UGT8: variants seen among roughly 807,000 people sequenced by gnomAD.
UGT8 encodes UDP glycosyltransferase 8, also known as 2-hydroxyacylsphingosine 1-beta-galactosyltransferase.
UGT8 carries 12 observed loss-of-function variants against 40.5 expected under a neutral mutation model. The ratio of observed to expected loss-of-function variants is 0.30; its 90% CI spans 0.19 to 0.48. UGT8 has a LOEUF of 0.48. UGT8 is among the 20% of genes least tolerant of loss of function. UGT8 has a pLI of 0.99. For missense variants in UGT8, 513 were observed against 648.7 expected (o/e 0.79, Z 2.27); for synonymous variants, 224 against 240.4 (o/e 0.93, Z 0.63).
intron 1 of UGT8, among the ~76,000 whole-genome samples, chr4:114,611,010 G>A (rs1472377285): frequency 6.6e-6 from 1 of 152,032 alleles, no homozygotes; most frequent in African/African-American, 2.4e-5. Context: ...TCCTACATGT[G>A]AATATGTTTC....
At chr4:114,660,760 G>A (rs1734471811) in intron 2 of UGT8, among the ~76,000 whole-genome samples, 2 of 151,606 alleles carry the variant, frequency 1.3e-5, no homozygotes, top group Non-Finnish European at 2.9e-5. Context: ...GGCGTAGTGG[G>A]GGCACCTGTA....
upstream of UGT8, chr4:114,598,474 G>A (rs1236864056): frequency 6.6e-6 from 1 of 152,248 alleles, no homozygotes; most frequent in Non-Finnish European, 1.5e-5. Context: ...TCGCTCAGCG[G>A]ACGACTGGCC....
intron 1 of UGT8, among the ~76,000 whole-genome samples, chr4:114,607,037 ATACT>A (rs1730775588): frequency 6.6e-6 from 1 of 152,226 alleles, no homozygotes; most frequent in Non-Finnish European, 1.5e-5. Context: ...ATTAGAGATA[ATACT>A]TGGTTTCCCC....
chr4:114,663,650 C>A lies in UGT8; in HGVS notation c.823-345C>A, dbSNP rs148837945. The A allele has an allele frequency of 1.7e-3, 1,675 of 979,260 alleles. 11 individuals carry two copies. In the African/African-American group the frequency reaches 0.022, roughly 13 times the overall value. 60.7% of individuals were successfully genotyped at this position (979,260 alleles called of 1,614,324 possible). On this transcript the variant is annotated intron_variant, in intron 2 of 5. Coordinates refer to ENST00000310836, the MANE Select transcript of UGT8 (RefSeq NM_001128174.3). ...GATTTTTCATATGTTTAATCCACAT[C>A]TTTTGTTTGTGTCTGCATACAAATT...
intron 2 of UGT8, among the ~76,000 whole-genome samples, chr4:114,645,829 A>G (rs1176817975): frequency 6.6e-6 from 1 of 152,166 alleles, no homozygotes; most frequent in Non-Finnish European, 1.5e-5. Context: ...GATTAGTGAA[A>G]TAGGTAGATT....
At chr4:114,642,470 A>T (rs994233504) in intron 2 of UGT8, among the ~76,000 whole-genome samples, 1 of 152,084 alleles carries the variant, frequency 6.6e-6, no homozygotes, top group Admixed American at 6.5e-5. Flanking sequence ...TGTTCTTCCA[A>T]TATGAGACTG....
At chr4:114,619,738 C>A (rs370286960) in intron 1 of UGT8, among the ~76,000 whole-genome samples, 1 of 151,904 alleles carries the variant, frequency 6.6e-6, no homozygotes, top group Non-Finnish European at 1.5e-5. Context: ...AACATAACTT[C>A]AAGATTTGCA....
chr4:114,623,395 C>T lies in UGT8; in HGVS notation c.515C>T (p.Ala172Val). ...TATCCTGCTGAAGTGGGTGCTCCTGCTCCATTAGCATACGTCCCAGAGTTT... is the reference window on the plus strand; with the variant it reads ...TATCCTGCTGAAGTGGGTGCTCCTGTTCCATTAGCATACGTCCCAGAGTTT... ...LWYPAEVGAP[A>V]PLAYVPEFNS... The change falls in exon 2 of 6, where the codon GCT becomes GTT. Residue 172 changes from alanine to valine, a missense_variant. Transcript: ENST00000310836. 1 of 1,614,170 alleles carries T rather than the reference C, an allele frequency of 6.2e-7. No individual in the cohort carries two copies. Among genetic ancestry groups the T allele is most frequent in the Non-Finnish European group, 8.5e-7 (1 of 1,180,026 alleles).
intron 2 of UGT8, among the ~76,000 whole-genome samples, chr4:114,652,332 A>C (rs1733936551): frequency 6.6e-6 from 1 of 151,936 alleles, no homozygotes; most frequent in South Asian, 2.1e-4. Context: ...AGTAAGAAAC[A>C]GAAGGACCTT....
At chr4:114,653,542 C>T (rs1418249847) in intron 2 of UGT8, among the ~76,000 whole-genome samples, 1 of 151,960 alleles carries the variant, frequency 6.6e-6, no homozygotes, top group Non-Finnish European at 1.5e-5. Context: ...GAGAAATTTT[C>T]TTTAAGAAGG....
At chr4:114,632,931 G>A (rs1412713680) in intron 2 of UGT8, among the ~76,000 whole-genome samples, 1 of 152,162 alleles carries the variant, frequency 6.6e-6, no homozygotes. Context: ...TCAGTGAAAA[G>A]CAACTTAATT....
At chr4:114,615,945 G>A (rs907665719) in intron 1 of UGT8, among the ~76,000 whole-genome samples, 1 of 149,216 alleles carries the variant, frequency 6.7e-6, no homozygotes, top group Non-Finnish European at 1.5e-5. Flanking sequence ...GTTGCTGCCT[G>A]ATTGTTCCTC....
intron 2 of UGT8, among the ~76,000 whole-genome samples, chr4:114,634,788 G>T (rs1305183227): frequency 6.6e-6 from 1 of 152,176 alleles, no homozygotes; most frequent in Non-Finnish European, 1.5e-5. Flanking sequence ...ACTAAATTGT[G>T]AGTGGGTCAG....
intron 2 of UGT8, among the ~76,000 whole-genome samples, chr4:114,645,492 T>G (rs1733514716): frequency 6.6e-6 from 1 of 152,160 alleles, no homozygotes; most frequent in South Asian, 2.1e-4. Flanking sequence ...GAGTTAATTT[T>G]TTTTCATCAC....
At chr4:114,626,997 T>G (rs114947575) in intron 2 of UGT8, among the ~76,000 whole-genome samples, 2,438 of 152,234 alleles carry the variant, frequency 0.016, 32 homozygotes, top group Non-Finnish European at 0.025. Context: ...ATTGTGTGCC[T>G]TGATAGTAGA....
intron 1 of UGT8, among the ~76,000 whole-genome samples, chr4:114,599,497 T>TG (rs1294997876): frequency 6.6e-6 from 1 of 151,646 alleles, no homozygotes; most frequent in African/African-American, 2.4e-5. Flanking sequence ...CGGGATGTGT[T>TG]GGGGGTGGGG....
intron 5 of UGT8, among the ~76,000 whole-genome samples, chr4:114,675,019 T>G (rs2126141558): frequency 6.6e-6 from 1 of 152,320 alleles, no homozygotes; most frequent in Non-Finnish European, 1.5e-5. Flanking sequence ...GGTGTTTTCT[T>G]TATACATATA....
intron 2 of UGT8, among the ~76,000 whole-genome samples, chr4:114,661,398 T>C (rs1189259508): frequency 6.6e-6 from 1 of 152,196 alleles, no homozygotes; most frequent in Non-Finnish European, 1.5e-5. Context: ...TGTATGTTTA[T>C]ATATGGCTAA....
At position 114,604,196 on chromosome 4, in the gene UGT8, C is replaced by G. The variant is rs144999208; in HGVS notation, c.-3+5222C>G. 5.9e-3 allele frequency among the ~76,000 whole-genome samples: 891 copies of G among 152,172 alleles called. 7 individuals carry two copies. Among genetic ancestry groups the G allele is most frequent in the Middle Eastern group, 0.017 (5 of 294 alleles). On this transcript the variant is annotated intron_variant, in intron 1 of 5. Transcript: ENST00000310836. ...AATTAAACCTCCAGGTTTCTAATGT[C>G]TTGTTTAAAGTACTCTTAGTATTTT...
Sources: allele counts gnomAD v4.1 joint callset (sites outside exome capture counted in the v4.1 genomes callset), GRCh38; gene constraint gnomAD v4.1.1; transcripts MANE v1.5; gene names NCBI Gene and HGNC (gene_info 2026-07-23, HGNC 2026-07-21).